GPD2: variants seen among roughly 807,000 people sequenced by gnomAD.
GPD2 encodes glycerol-3-phosphate dehydrogenase, mitochondrial.
A neutral mutation model predicts 82.4 loss-of-function variants in GPD2; 54 were observed. The ratio of observed to expected loss-of-function variants is 0.66; its 90% CI spans 0.53 to 0.82. The LOEUF (loss-of-function observed/expected upper bound fraction) is 0.82, where lower values mean the gene tolerates loss of function less well. Ranked by LOEUF, GPD2 falls within the 40% of genes least tolerant of loss-of-function variation. The probability of loss-of-function intolerance (pLI) is 0.00; values close to 1 mark genes in which losing one functional copy is unlikely to be tolerated. For missense variants in GPD2, 748 were observed against 896.2 expected (o/e 0.83, Z 2.11); for synonymous variants, 288 against 306.1 (o/e 0.94, Z 0.62).
At chr2:156,418,930 G>A in the GPD2 span, among the ~76,000 whole-genome samples, 2 of 151,998 alleles carry the variant, frequency 1.3e-5, no homozygotes, top group South Asian at 2.1e-4. Flanking sequence ...GATTGCAGGC[G>A]GATAAAGGCT....
At chr2:156,475,705 TTCTGCTGGTTC>T (rs1430223481) in intron 1 of GPD2, among the ~76,000 whole-genome samples, 2 of 152,198 alleles carry the variant, frequency 1.3e-5, no homozygotes, top group Non-Finnish European at 1.5e-5. Context: ...CAAGACTTCT[TTCTGCTGGTTC>T]TCCTTGAGGA....
rs762492206 is a variant in GPD2, at chr2:156,496,204, C to G, written c.263C>G (p.Ala88Gly). Residue 88 changes from alanine to glycine, a missense_variant, in exon 3 of 17, where the codon GCT becomes GGT. Around this residue, in one of 3 missense-constraint regions of GPD2, gnomAD observed 692 missense variants for 809.7 expected, o/e 0.85. Coordinates refer to ENST00000438166, the MANE Select transcript of GPD2 (RefSeq NM_000408.5). ...ACAGGAAGTGGCTGTGCGCTAGATGCTGTCACCAGAGGTAAGTCTTTTTTT... is the reference window on the plus strand; with the variant it reads ...ACAGGAAGTGGCTGTGCGCTAGATGGTGTCACCAGAGGTAAGTCTTTTTTT... ...GATGSGCALDAVTRGLKTALV... is the reference protein window; with the variant it reads ...GATGSGCALDGVTRGLKTALV... 3.7e-6 allele frequency: 6 copies of G among 1,606,658 alleles called. No homozygotes were observed. In the African/African-American group the frequency reaches 8.0e-5, roughly 21 times the overall value.
At chr2:156,502,510 T>C (rs530288523) in intron 3 of GPD2, among the ~76,000 whole-genome samples, 1 of 152,312 alleles carries the variant, frequency 6.6e-6, no homozygotes, top group African/African-American at 2.4e-5. Context: ...CACTGCAGAC[T>C]CAACCTCCTG....
intron 1 of GPD2, among the ~76,000 whole-genome samples, chr2:156,437,534 C>G (rs1681984849): frequency 6.6e-6 from 1 of 152,174 alleles, no homozygotes; most frequent in African/African-American, 2.4e-5. Context: ...AAACCCCCCT[C>G]TGTTTCTCAC....
intron 1 of GPD2, among the ~76,000 whole-genome samples, chr2:156,473,111 G>A (rs1683388107): frequency 6.6e-6 from 1 of 152,096 alleles, no homozygotes; most frequent in Non-Finnish European, 1.5e-5. Flanking sequence ...TCTTGCCTTT[G>A]ACTTTGAGCT....
the GPD2 span, among the ~76,000 whole-genome samples, chr2:156,414,636 C>T: frequency 6.6e-6 from 1 of 152,114 alleles, no homozygotes; most frequent in African/African-American, 2.4e-5. Flanking sequence ...GCTTTTCAAG[C>T]ATATTATTAA....
At chr2:156,496,601 T>C (rs1309870905) in intron 3 of GPD2, among the ~76,000 whole-genome samples, 1 of 152,198 alleles carries the variant, frequency 6.6e-6, no homozygotes, top group East Asian at 1.9e-4. Context: ...TTTTGAAATA[T>C]AGGCACTGCA....
At chr2:156,536,128 T>G (rs1424451384) in intron 6 of GPD2, among the ~76,000 whole-genome samples, 2 of 152,248 alleles carry the variant, frequency 1.3e-5, no homozygotes, top group African/African-American at 4.8e-5. Flanking sequence ...CTGAATTCAT[T>G]ATGTACCTTA....
intron 1 of GPD2, among the ~76,000 whole-genome samples, chr2:156,455,640 C>A (rs1682765082): frequency 6.6e-6 from 1 of 152,196 alleles, no homozygotes; most frequent in African/African-American, 2.4e-5. Flanking sequence ...ACATAATACA[C>A]CTTCACTGTT....
chr2:156,581,576 T>C (rs1178634599), intron 16 of GPD2, among the ~76,000 whole-genome samples: 1 of 152,166 alleles, frequency 6.6e-6, no homozygotes, highest in Non-Finnish European at 1.5e-5. Context: ...TTTTTAGTTT[T>C]TTTAAAATAT....
intron 13 of GPD2, among the ~76,000 whole-genome samples, chr2:156,576,227 T>G (rs956082399): frequency 2.0e-5 from 3 of 152,196 alleles, no homozygotes; most frequent in Non-Finnish European, 4.4e-5. Flanking sequence ...ATAGAAATCA[T>G]ATATCTAGAT....
At chr2:156,450,947 A>G (rs1387574526) in intron 1 of GPD2, among the ~76,000 whole-genome samples, 84 of 133,294 alleles carry the variant, frequency 6.3e-4, no homozygotes, top group Non-Finnish European at 1.1e-3. Context: ...CTGAGTGGAC[A>G]CAGCACATGT....
At chr2:156,582,519 A>T (rs1688062401) in intron 16 of GPD2, among the ~76,000 whole-genome samples, 2 of 151,568 alleles carry the variant, frequency 1.3e-5, no homozygotes, top group African/African-American at 4.8e-5. Context: ...AGCACATTAA[A>T]GGACAAAAAA....
chr2:156,550,862 G>A, intron 8 of GPD2, 116 bp downstream of exon 8: 1 of 881,926 alleles, frequency 1.1e-6, no homozygotes. Flanking sequence ...TTCAAAATCA[G>A]GAGAAATAAG....
intron 1 of GPD2, among the ~76,000 whole-genome samples, chr2:156,468,804 A>G (rs1321358041): frequency 6.6e-6 from 1 of 152,194 alleles, no homozygotes; most frequent in Admixed American, 6.5e-5. Flanking sequence ...GTAAATGGGT[A>G]TCCATTACCT....
rs1167888900 is a variant in GPD2, at chr2:156,439,531, A to C, written c.-9+3018A>C. ...TGTCTCAGAAAAAAAAAAAAAAAAAAAAAAAAAACAAAAAAAAAAAAACAA... is the reference window on the plus strand; with the variant it reads ...TGTCTCAGAAAAAAAAAAAAAAAAACAAAAAAAACAAAAAAAAAAAAACAA... On this transcript the variant is annotated intron_variant, in intron 1 of 16. Coordinates refer to ENST00000438166, the MANE Select transcript of GPD2 (RefSeq NM_000408.5). Among the ~76,000 whole-genome samples the C allele has an allele frequency of 3.3e-3, 378 of 115,536 alleles. 11 individuals carry two copies. Among genetic ancestry groups the C allele is most frequent in the African/African-American group, 0.013 (362 of 28,864 alleles). The allele number at this position is 115,536 out of a possible 152,430, so 75.8% of individuals were successfully genotyped here.
intron 6 of GPD2, among the ~76,000 whole-genome samples, chr2:156,532,232 C>T (rs191661293): frequency 1.1e-3 from 162 of 152,308 alleles, no homozygotes; most frequent in Non-Finnish European, 1.6e-3. Flanking sequence ...GTGATGAACA[C>T]CTGGCTTCAA....
chr2:156,473,155 GTAGAAATA>G (rs1242486017), intron 1 of GPD2, among the ~76,000 whole-genome samples: 1 of 152,146 alleles, frequency 6.6e-6, no homozygotes, highest in African/African-American at 2.4e-5. Flanking sequence ...TTTGATCACA[GTAGAAATA>G]ATGAGCCCTC....
intron 2 of GPD2, among the ~76,000 whole-genome samples, chr2:156,485,671 A>G (rs955722719): frequency 6.6e-6 from 1 of 152,318 alleles, no homozygotes; most frequent in Admixed American, 6.5e-5. Context: ...TTCAGTGTGG[A>G]TAGGTGGGGA....
Sources: gnomAD v4.1 joint callset for allele counts (sites outside exome capture counted in the v4.1 genomes callset) on GRCh38, gnomAD v4.1.1 for gene constraint, gnomAD v4.1.1 regional missense constraint, MANE v1.5 for transcripts, NCBI Gene and HGNC (gene_info 2026-07-23, HGNC 2026-07-21) for gene names.